Variants in GRIN2B observed in about 807,000 individuals in gnomAD.
The protein encoded by GRIN2B is glutamate receptor ionotropic, NMDA 2B.
In GRIN2B, 5 loss-of-function variants were observed where a neutral mutation model predicts 114.5. The ratio of observed to expected loss-of-function variants is 0.04; its 90% CI spans 0.02 to 0.09. GRIN2B has a LOEUF of 0.09. Ranked by LOEUF, GRIN2B falls within the 10% of genes least tolerant of loss-of-function variation. GRIN2B has a pLI of 1.00. For synonymous variants in GRIN2B, 787 were observed against 745.1 expected (o/e 1.06, Z -0.92); for missense variants, 1,108 against 1,943.5 (o/e 0.57, Z 8.08).
intron 3 of GRIN2B, among the ~76,000 whole-genome samples, chr12:13,778,738 T>C (rs572824451): frequency 6.6e-6 from 1 of 152,346 alleles, no homozygotes; most frequent in African/African-American, 2.4e-5. Context: ...CCAGTCTTCC[T>C]TGTTGTCAAA....
At chr12:13,832,170 C>T (rs752462865) in intron 3 of GRIN2B, among the ~76,000 whole-genome samples, 2 of 152,072 alleles carry the variant, frequency 1.3e-5, no homozygotes, top group African/African-American at 4.8e-5. Flanking sequence ...TCTTCTTACA[C>T]GTATTTATTC....
chr12:13,911,073 A>G (rs1429720055), intron 2 of GRIN2B, among the ~76,000 whole-genome samples: 2 of 152,092 alleles, frequency 1.3e-5, no homozygotes, highest in Admixed American at 6.6e-5. Context: ...TAGACCCCCT[A>G]GATACCTCTA....
chr12:13,923,119 T>C (rs1263347173), intron 2 of GRIN2B, among the ~76,000 whole-genome samples: 1 of 152,224 alleles, frequency 6.6e-6, no homozygotes, highest in African/African-American at 2.4e-5. Flanking sequence ...GCAATGTTAT[T>C]TTATATGAGC....
chr12:13,602,375 T>A (rs552415452), intron 10 of GRIN2B, among the ~76,000 whole-genome samples: 22 of 152,292 alleles, frequency 1.4e-4, no homozygotes, highest in Middle Eastern at 6.8e-3. Context: ...CTCAATTAAG[T>A]TATTTTTAGC....
chr12:13,903,910 A>G (rs1866498152), intron 2 of GRIN2B, among the ~76,000 whole-genome samples: 3 of 152,034 alleles, frequency 2.0e-5, no homozygotes. Context: ...TGTTTACATT[A>G]TAATCTAAAA....
At chr12:13,692,065 C>T (rs1006629355) in intron 4 of GRIN2B, among the ~76,000 whole-genome samples, 3 of 152,114 alleles carry the variant, frequency 2.0e-5, no homozygotes, top group African/African-American at 4.8e-5. Context: ...AAAAAGCCCC[C>T]GATTGAAGCC....
At chr12:13,941,347 G>T (rs1356296933) in intron 2 of GRIN2B, among the ~76,000 whole-genome samples, 1 of 152,158 alleles carries the variant, frequency 6.6e-6, no homozygotes, top group Non-Finnish European at 1.5e-5. Flanking sequence ...AGTTGTCCCA[G>T]AAGAAAAGCT....
At chr12:13,671,749 T>C (rs375017337) in intron 5 of GRIN2B, among the ~76,000 whole-genome samples, 40 of 152,280 alleles carry the variant, frequency 2.6e-4, no homozygotes, top group African/African-American at 9.4e-4. Context: ...CTCCTAAGCA[T>C]ACAGATTCTT....
intron 11 of GRIN2B, among the ~76,000 whole-genome samples, chr12:13,570,819 G>T (rs1465336540): frequency 6.6e-6 from 1 of 152,172 alleles, no homozygotes; most frequent in Non-Finnish European, 1.5e-5. Context: ...CAATAGAGAG[G>T]TCTGCAAGAA....
At chr12:13,803,242 G>A (rs1864547267) in intron 3 of GRIN2B, among the ~76,000 whole-genome samples, 1 of 152,112 alleles carries the variant, frequency 6.6e-6, no homozygotes, top group African/African-American at 2.4e-5. Context: ...GCTGTTAGTA[G>A]TTAAGTTTTG....
intron 2 of GRIN2B, among the ~76,000 whole-genome samples, chr12:13,954,827 A>AAAAAAAAAAAAAAAAAAAAAC: frequency 6.7e-6 from 1 of 148,164 alleles, no homozygotes; most frequent in South Asian, 2.1e-4. Context: ...AAAAAAAAAA[A>AAAAAAAAAAAAAAAAAAAAAC]AACTTTTTCT....
intron 3 of GRIN2B, among the ~76,000 whole-genome samples, chr12:13,801,996 T>G (rs1360249834): frequency 6.6e-6 from 1 of 152,008 alleles, no homozygotes; most frequent in Non-Finnish European, 1.5e-5. Context: ...ACCCCTCCAT[T>G]CACGCACCCA....
intron 3 of GRIN2B, among the ~76,000 whole-genome samples, chr12:13,815,347 C>G (rs1565548090): frequency 6.7e-6 from 1 of 149,282 alleles, no homozygotes; most frequent in Non-Finnish European, 1.5e-5. Flanking sequence ...GTCCTGAATT[C>G]AGTAAAGGCA....
chr12:13,981,060 C>T (rs1034107549), intron 1 of GRIN2B, among the ~76,000 whole-genome samples: 2 of 152,080 alleles, frequency 1.3e-5, no homozygotes, highest in Admixed American at 1.3e-4. Context: ...CGCGTGGGTC[C>T]GGCCCGGGGC....
intron 2 of GRIN2B, among the ~76,000 whole-genome samples, chr12:13,968,526 G>A (rs1867826572): frequency 6.6e-6 from 1 of 152,146 alleles, no homozygotes; most frequent in South Asian, 2.1e-4. Flanking sequence ...CAGGGCCAAA[G>A]ACCAGTGCCT....
intron 2 of GRIN2B, among the ~76,000 whole-genome samples, chr12:13,893,186 A>G (rs1866292838): frequency 1.3e-5 from 2 of 152,206 alleles, no homozygotes; most frequent in Non-Finnish European, 1.5e-5. Flanking sequence ...ATATTTTAGA[A>G]TAGTAAACAT....
intron 5 of GRIN2B, among the ~76,000 whole-genome samples, chr12:13,631,379 A>G (rs1805543): frequency 0.24 from 36,230 of 152,130 alleles, 5,556 homozygotes; most frequent in Middle Eastern, 0.43. Context: ...ACTGTAAAAT[A>G]TGAGGGTAAA....
intron 3 of GRIN2B, among the ~76,000 whole-genome samples, chr12:13,846,967 G>A (rs1407288805): frequency 6.6e-6 from 1 of 152,034 alleles, no homozygotes; most frequent in Non-Finnish European, 1.5e-5. Context: ...GCAGAGGAAG[G>A]TTAAAAGAGG....
At position 13,557,091 on chromosome 12, in the gene GRIN2B, C is replaced by T. The variant is rs1948486288; in HGVS notation, c.*5692G>A. ...AGGCTATCTCTTCTAAGTCATAGAG[C>T]TCACAGGGCCACTGTGTGACTGAAT... On this transcript the variant is annotated 3_prime_UTR_variant, in exon 14 of 14. Transcript: ENST00000609686. The T allele has an allele frequency of 6.6e-6, 1 of 152,156 alleles. No homozygotes were observed. Among genetic ancestry groups the T allele is most frequent in the South Asian group, 2.1e-4 (1 of 4,828 alleles). 9.4% of individuals were successfully genotyped at this position (152,156 alleles called of 1,614,324 possible). A position where few individuals can be genotyped will look rare whatever the true frequency, so the allele number is the denominator to read the frequency against.
Sources: gnomAD v4.1 joint callset for allele counts (sites outside exome capture counted in the v4.1 genomes callset) on GRCh38, gnomAD v4.1.1 for gene constraint, MANE v1.5 for transcripts, NCBI Gene and HGNC (gene_info 2026-07-23, HGNC 2026-07-21) for gene names.